AHDC1: variants seen among roughly 807,000 people sequenced by gnomAD.
The protein encoded by AHDC1 is transcription factor Gibbin.
A neutral mutation model predicts 87.9 loss-of-function variants in AHDC1; 7 were observed. The ratio of observed to expected loss-of-function variants is 0.08; its 90% CI spans 0.05 to 0.15. The LOEUF (loss-of-function observed/expected upper bound fraction) is 0.15. AHDC1 is among the 10% of genes least tolerant of loss of function. The probability of loss-of-function intolerance (pLI) is 1.00; values close to 1 mark genes in which losing one functional copy is unlikely to be tolerated. For missense variants in AHDC1, 1,841 were observed against 2,253.2 expected (o/e 0.82, Z 3.70); for synonymous variants, 1,051 against 1,006.8 (o/e 1.04, Z -0.83).
rs1414053597 is a variant in AHDC1, at chr1:27,562,933, T to C, written c.-628-4050A>G. Among the ~76,000 whole-genome samples the C allele has an allele frequency of 1.3e-5, 2 of 152,030 alleles. No homozygotes were observed. Among genetic ancestry groups the C allele is most frequent in the Admixed American group, 1.3e-4 (2 of 15,270 alleles). On this transcript the variant is annotated intron_variant, in intron 3 of 8. Transcript: ENST00000673934. This position sits in a 1 kb window ranked among gnomAD's most constrained non-coding sequence, Gnocchi z 4.4. ...GCGCACAAGTTGGTGACAACCCTCC[T>C]AACGGGATGAACTAAGCACATAACC...
chr1:27,578,008 G>GT (rs982023077), intron 3 of AHDC1, among the ~76,000 whole-genome samples: 1 of 152,194 alleles, frequency 6.6e-6, no homozygotes, highest in Non-Finnish European at 1.5e-5. Context: ...TGCTAAGGGT[G>GT]TAACCTCTGG....
At chr1:27,568,764 GCGGGCCGGGC>G (rs1035935357) in intron 3 of AHDC1, among the ~76,000 whole-genome samples, 2 of 151,820 alleles carry the variant, frequency 1.3e-5, no homozygotes, top group Non-Finnish European at 3.0e-5. Context: ...GGAGCCTGCG[GCGGGCCGGGC>G]CGGGCCGGGG....
intron 3 of AHDC1, among the ~76,000 whole-genome samples, chr1:27,574,963 T>C (rs1245348581): frequency 6.6e-6 from 1 of 152,216 alleles, no homozygotes; most frequent in East Asian, 1.9e-4. Context: ...AAAGCTACTG[T>C]CGCCGTCGGG....
chr1:27,551,876 C>G lies in AHDC1; in HGVS notation c.240G>C (p.Gly80=). 6.2e-7 allele frequency: 1 copy of G among 1,607,568 alleles called. No homozygotes were observed. The highest frequency in any genetic ancestry group is 8.5e-7 in the Non-Finnish European group (1 of 1,177,234). The change falls in exon 8 of 9, where the codon GGG becomes GGC. Residue 80 remains glycine (G), a synonymous_variant. Transcript: ENST00000673934. ...STRRPPVLAK[G]DDPLPPRAAR... is the part of the protein sequence containing the mutation. ...CTGCCCGTGGGGGCAGCGGGTCGTC[C>G]CCCTTGGCAAGGACTGGTGGGCGCC... is the stretch of plus-strand genomic sequence containing the variant.
At chr1:27,594,046 A>C (rs1423148789) in intron 3 of AHDC1, among the ~76,000 whole-genome samples, 1 of 152,148 alleles carries the variant, frequency 6.6e-6, no homozygotes, top group Non-Finnish European at 1.5e-5. Flanking sequence ...CTATCTCCCC[A>C]GTCCTAATGC....
At position 27,548,114 on chromosome 1, in the gene AHDC1, G is replaced by A. The variant is rs201035986; in HGVS notation, c.4002C>T (p.Gly1334=). The change falls in exon 8 of 9, where the codon GGC becomes GGT. Residue 1334 remains glycine, a synonymous_variant. Transcript: ENST00000673934. ...SPLPSQSRAF[G]VGERDPCDFI... is the part of the protein sequence containing the mutation. ...AGTCACAGGGGTCTCGCTCTCCCAC[G>A]CCGAAGGCCCTCGACTGTGAGGGCA... 7.7e-5 allele frequency: 124 copies of A among 1,613,818 alleles called. No homozygotes were observed. The highest frequency in any genetic ancestry group is 1.6e-4 in the Middle Eastern group (1 of 6,084).
Position 27,559,048 on chromosome 1 carries a change from T to A in AHDC1, c.-628-165A>T, listed in dbSNP as rs552848822. Among the ~76,000 whole-genome samples the A allele has an allele frequency of 5.6e-4, 83 of 148,222 alleles. No homozygotes were observed. In the South Asian group the frequency reaches 9.6e-3, roughly 17 times the overall value. On this transcript the variant is annotated intron_variant, in intron 3 of 8. Transcript: ENST00000673934. Reference sequence around the variant, plus strand: ...CACCTGGGAACTGTGAGACTCTTTTTAAAAAAAAAAATAAGAGAGACAGGG... The same window carrying A: ...CACCTGGGAACTGTGAGACTCTTTTAAAAAAAAAAAATAAGAGAGACAGGG...
rs57531237 is a variant in AHDC1, at chr1:27,581,477, T to C, written c.-629+21920A>G. On this transcript the variant is annotated intron_variant, in intron 3 of 8. Transcript: ENST00000673934. ...CTTTAGTTCAATCCAAATGGGAAAA[T>C]AGAGGTGTGTAATAAAGAAGGGACC... is the stretch of plus-strand genomic sequence containing the variant. 6.7e-3 allele frequency among the ~76,000 whole-genome samples: 966 copies of C among 143,276 alleles called. 16 individuals are homozygous for C. Among genetic ancestry groups the C allele is most frequent in the African/African-American group, 0.024 (918 of 38,466 alleles). The allele number at this position is 143,276 out of a possible 152,430, so 94.0% of individuals were successfully genotyped here. A position where few individuals can be genotyped will look rare whatever the true frequency, so the allele number is the denominator to read the frequency against.
intron 3 of AHDC1, among the ~76,000 whole-genome samples, chr1:27,602,404 C>G (rs2089554128): frequency 6.6e-6 from 1 of 152,162 alleles, no homozygotes; most frequent in Non-Finnish European, 1.5e-5. Flanking sequence ...GGTCAGGCTG[C>G]TGGGGAACCC....
chr1:27,568,396 G>A (rs2020412893), intron 3 of AHDC1: 1 of 152,414 alleles, frequency 6.6e-6, no homozygotes, highest in African/African-American at 2.4e-5. Context: ...CTCCAGGAGA[G>A]AGGTCTTGTG....
At chr1:27,583,191 C>T (rs2088956507) in intron 3 of AHDC1, among the ~76,000 whole-genome samples, 1 of 152,186 alleles carries the variant, frequency 6.6e-6, no homozygotes, top group African/African-American at 2.4e-5. Context: ...TCTACATTAG[C>T]TAAGCCTCTC....
At chr1:27,587,676 G>A (rs2089099198) in intron 3 of AHDC1, among the ~76,000 whole-genome samples, 1 of 152,176 alleles carries the variant, frequency 6.6e-6, no homozygotes, top group Non-Finnish European at 1.5e-5. Context: ...AGCTGGCACA[G>A]TACCCAGCCC....
intron 8 of AHDC1, among the ~76,000 whole-genome samples, chr1:27,546,415 T>C (rs1328010161): frequency 6.6e-6 from 1 of 152,178 alleles, no homozygotes; most frequent in African/African-American, 2.4e-5. Context: ...ATAAAAACAG[T>C]ATCAAAACAT....
intron 3 of AHDC1, among the ~76,000 whole-genome samples, chr1:27,592,528 A>G (rs2089254239): frequency 6.6e-6 from 1 of 152,112 alleles, no homozygotes; most frequent in Non-Finnish European, 1.5e-5. Context: ...CAGCATCGCC[A>G]TGGCAACCTC....
Position 27,548,708 on chromosome 1 carries a change from G to A in AHDC1, c.3408C>T (p.Val1136=). Residue 1136 remains valine (V), a synonymous_variant, in exon 8 of 9, where the codon GTC becomes GTT. Transcript: ENST00000673934. ...TGTCCAGGATCACGTTGGGCTCGCT[G>A]ACGTGGCAGTCAAAACTGGGATTGT... is the stretch of plus-strand genomic sequence containing the variant. ...QLYNPSFDCH[V]SEPNVILDIS... The A allele has an allele frequency of 6.2e-7, 1 of 1,613,380 alleles. No individual in the cohort carries two copies. The highest frequency in any genetic ancestry group is 1.3e-5 in the African/African-American group (1 of 75,068).
In AHDC1 at chr1:27,550,696, T is replaced by A. The variant is rs774732788; in HGVS notation, c.1420A>T (p.Met474Leu). Residue 474 changes from methionine to leucine, a missense_variant, in exon 8 of 9, where the codon ATG becomes TTG. Around this residue, in one of 13 missense-constraint regions of AHDC1, gnomAD observed 27 missense variants for 58.6 expected, o/e 0.46. Coordinates refer to ENST00000673934, the MANE Select transcript of AHDC1 (RefSeq NM_001371928.1). ...GGGATCTTGGCCATCTTCACCACCATGCGCCGCACGCCCCGGCACTTGCCT... is the reference window on the plus strand; with the variant it reads ...GGGATCTTGGCCATCTTCACCACCAAGCGCCGCACGCCCCGGCACTTGCCT... Reference protein sequence around the residue: ...RKGKCRGVRRMVVKMAKIPVS... With the variant: ...RKGKCRGVRRLVVKMAKIPVS... The A allele has an allele frequency of 1.2e-6, 2 of 1,611,262 alleles. No homozygotes were observed. Among genetic ancestry groups the A allele is most frequent in the Non-Finnish European group, 1.7e-6 (2 of 1,179,098 alleles).
intron 3 of AHDC1, among the ~76,000 whole-genome samples, chr1:27,570,478 C>T (rs1012119168): frequency 6.6e-6 from 1 of 152,094 alleles, no homozygotes; most frequent in African/African-American, 2.4e-5. Flanking sequence ...CCTGGGTCCC[C>T]GCCCAGGTCT....
At chr1:27,566,751 G>A (rs1169355048) in intron 3 of AHDC1, among the ~76,000 whole-genome samples, 3 of 149,518 alleles carry the variant, frequency 2.0e-5, no homozygotes, top group Non-Finnish European at 3.0e-5. Context: ...TGGAATGTGG[G>A]TCTGGGCATG....
chr1:27,593,617 G>T lies in AHDC1; in HGVS notation c.-629+9780C>A, dbSNP rs2089288014. 6.6e-6 allele frequency among the ~76,000 whole-genome samples: 1 copy of T among 152,226 alleles called. No homozygotes were observed. Among genetic ancestry groups the T allele is most frequent in the African/African-American group, 2.4e-5 (1 of 41,458 alleles). ...TGTGCCAGGGCGGATGGGCACATAT[G>T]TGCAAACACCCCCGGTGGGTCTTGG... On this transcript the variant is annotated intron_variant, in intron 3 of 8. Transcript: ENST00000673934. The surrounding 1 kb of genome is among the most constrained non-coding windows in gnomAD (Gnocchi z 4.9).
Sources: allele counts gnomAD v4.1 joint callset (sites outside exome capture counted in the v4.1 genomes callset), GRCh38; gene constraint gnomAD v4.1.1; regional missense constraint gnomAD v4.1.1; non-coding constraint Gnocchi (gnomAD v3.1); transcripts MANE v1.5; gene names NCBI Gene and HGNC (gene_info 2026-07-23, HGNC 2026-07-21).